Variants in EIF4H observed in about 807,000 individuals in gnomAD.
The protein encoded by EIF4H is eukaryotic translation initiation factor 4H.
A neutral mutation model predicts 30.6 loss-of-function variants in EIF4H; 8 were observed. The observed-to-expected ratio is 0.26, with a 90% CI of 0.15 to 0.47. The LOEUF is 0.47. EIF4H is among the 20% of genes least tolerant of loss of function. The pLI is 0.99. For missense variants in EIF4H, 188 were observed against 339.5 expected (o/e 0.55, Z 3.51); for synonymous variants, 106 against 122.7 (o/e 0.86, Z 0.90).
chr7:74,190,085 C>A, intron 4 of EIF4H, 162 bp from the exon 5 acceptor site: 1 of 1,113,788 alleles, frequency 9.0e-7, no homozygotes, highest in Non-Finnish European at 1.3e-6. Context: ...GATGCTTCTG[C>A]AAGCCTGGCG....
chr7:74,180,659 C>T (rs892486167), intron 1 of EIF4H, among the ~76,000 whole-genome samples: 1 of 152,172 alleles, frequency 6.6e-6, no homozygotes, highest in Non-Finnish European at 1.5e-5. Flanking sequence ...ACACTGGAGC[C>T]TATGAAGAAG....
intron 1 of EIF4H, 67 bp downstream of exon 1, chr7:74,174,509 G>A: frequency 8.2e-7 from 1 of 1,225,702 alleles, no homozygotes; most frequent in Non-Finnish European, 1.0e-6. Context: ...CGTCAGGGTG[G>A]CGGCCGTCCT....
rs547088922 is a variant in EIF4H at position 74,195,682 on chromosome 7, A to T, written c.*374A>T. 1.1e-5 allele frequency: 2 copies of T among 175,400 alleles called. No individual in the cohort carries two copies. The highest frequency in any genetic ancestry group is 2.4e-5 in the Non-Finnish European group (2 of 82,028). 10.9% of individuals were successfully genotyped at this position (175,400 alleles called of 1,614,324 possible). On this transcript the variant is annotated 3_prime_UTR_variant, in exon 7 of 7. Coordinates refer to ENST00000265753, the MANE Select transcript of EIF4H (RefSeq NM_022170.2). Reference sequence around the variant, plus strand: ...GTCATTTTTCCTTTGCTTTCTCTTTACTTTAGACACTGGCCCAACTCCAGG... The same window carrying T: ...GTCATTTTTCCTTTGCTTTCTCTTTTCTTTAGACACTGGCCCAACTCCAGG...
intron 1 of EIF4H, 63 bp from the exon 2 acceptor site, chr7:74,187,548 G>A (rs1356007434): frequency 2.8e-6 from 4 of 1,430,060 alleles, no homozygotes; most frequent in Admixed American, 2.4e-5. Flanking sequence ...GCGGAAGACC[G>A]CTTTACTTGT....
intron 2 of EIF4H, 90 bp from the exon 3 acceptor site, chr7:74,189,583 T>C (rs1407198377): frequency 1.9e-5 from 27 of 1,441,202 alleles, no homozygotes; most frequent in Admixed American, 2.0e-5. Flanking sequence ...GAATGGTAGT[T>C]GTGACGTGGA....
rs564794579 is a variant in EIF4H at position 74,186,788 on chromosome 7, ATTT to A, written c.60-773_60-771del. ...GCCCATAATCAGGCAACAAGGAGAA[ATTT>A]TTTTTTTTTTTTTTTTTTTTTTTTT... On this transcript the variant is annotated intron_variant, in intron 1 of 6. Coordinates refer to ENST00000265753, the MANE Select transcript of EIF4H (RefSeq NM_022170.2). 9.7e-4 allele frequency among the ~76,000 whole-genome samples: 68 copies of A among 70,108 alleles called. 24 individuals are homozygous for A. The highest frequency in any genetic ancestry group is 1.4e-3 in the Non-Finnish European group (48 of 34,356). 46.0% of individuals were successfully genotyped at this position (70,108 alleles called of 152,430 possible).
intron 1 of EIF4H, among the ~76,000 whole-genome samples, chr7:74,186,336 G>C (rs1374882573): frequency 6.6e-6 from 1 of 150,920 alleles, no homozygotes; most frequent in Non-Finnish European, 1.5e-5. Context: ...GCCTCAGCCT[G>C]CCCAGCAGCT....
At chr7:74,181,525 G>A (rs1199250871) in intron 1 of EIF4H, among the ~76,000 whole-genome samples, 2 of 151,996 alleles carry the variant, frequency 1.3e-5, no homozygotes, top group Non-Finnish European at 1.5e-5. Flanking sequence ...TCCGCCTCCT[G>A]GGTTCAAGCG....
chr7:74,191,156 G>C, intron 5 of EIF4H: 1 of 533,192 alleles, frequency 1.9e-6, no homozygotes, highest in Non-Finnish European at 3.8e-6. Flanking sequence ...GGCTGAACAG[G>C]TGACGACTAC....
intron 1 of EIF4H, among the ~76,000 whole-genome samples, chr7:74,182,801 C>G (rs145056275): frequency 4.6e-5 from 7 of 152,316 alleles, no homozygotes; most frequent in African/African-American, 1.7e-4. Context: ...GTTACCCTCT[C>G]TCAGTCTCCT....
At chr7:74,177,645 A>G (rs564907477) in intron 1 of EIF4H, among the ~76,000 whole-genome samples, 11 of 152,334 alleles carry the variant, frequency 7.2e-5, no homozygotes, top group Non-Finnish European at 1.5e-4. Flanking sequence ...CTGTAAAGCT[A>G]TTGAAAAGCT....
At chr7:74,184,127 G>C (rs1309249968) in intron 1 of EIF4H, among the ~76,000 whole-genome samples, 1 of 152,060 alleles carries the variant, frequency 6.6e-6, no homozygotes, top group African/African-American at 2.4e-5. Flanking sequence ...GCTGCCATTT[G>C]GTAACGTGCC....
chr7:74,174,643 G>C (rs953922527), intron 1 of EIF4H, among the ~76,000 whole-genome samples: 18 of 151,886 alleles, frequency 1.2e-4, no homozygotes, highest in Admixed American at 7.2e-4. Context: ...CCGGGGTCTT[G>C]CTTGCGGGGC....
At chr7:74,194,294 T>C (rs1163888886) in intron 5 of EIF4H, among the ~76,000 whole-genome samples, 2 of 152,220 alleles carry the variant, frequency 1.3e-5, no homozygotes, top group Non-Finnish European at 2.9e-5. Context: ...TGTCTTCATA[T>C]AGCGTTTTCT....
chr7:74,186,488 G>C (rs147851388), intron 1 of EIF4H, among the ~76,000 whole-genome samples: 45 of 152,090 alleles, frequency 3.0e-4, no homozygotes, highest in South Asian at 1.2e-3. Context: ...GCTGTATTAG[G>C]ATTAACTCAG....
chr7:74,191,160 C>T (rs372667372), intron 5 of EIF4H: 13 of 533,134 alleles, frequency 2.4e-5, no homozygotes, highest in South Asian at 1.4e-4. Context: ...GAACAGGTGA[C>T]GACTACCTGT....
At chr7:74,180,560 A>C (rs1800937515) in intron 1 of EIF4H, among the ~76,000 whole-genome samples, 1 of 152,226 alleles carries the variant, frequency 6.6e-6, no homozygotes, top group African/African-American at 2.4e-5. Context: ...TATTAACACA[A>C]AGACCTGTTG....
At chr7:74,178,913 A>G (rs1800897225) in intron 1 of EIF4H, among the ~76,000 whole-genome samples, 1 of 152,202 alleles carries the variant, frequency 6.6e-6, no homozygotes, top group South Asian at 2.1e-4. Flanking sequence ...GAGCTCAAGT[A>G]TGTGGCTGCT....
At chr7:74,191,979 T>C (rs1801228988) in intron 5 of EIF4H, among the ~76,000 whole-genome samples, 1 of 152,022 alleles carries the variant, frequency 6.6e-6, no homozygotes, top group Non-Finnish European at 1.5e-5. Context: ...CGGGGTTTCA[T>C]CATGTTAGCC....
Sources: gnomAD v4.1 joint callset for allele counts (sites outside exome capture counted in the v4.1 genomes callset) on GRCh38, gnomAD v4.1.1 for gene constraint, MANE v1.5 for transcripts, NCBI Gene and HGNC (gene_info 2026-07-23, HGNC 2026-07-21) for gene names.